The following FHOD3 variants were observed in gnomAD, a reference collection of about 807,000 sequenced individuals.
FHOD3 encodes formin homology 2 domain containing 3, also known as FH1/FH2 domain-containing protein 3.
Under a neutral mutation model 173.0 loss-of-function variants are expected in FHOD3, and 90 were observed. The ratio of observed to expected loss-of-function variants is 0.52; its 90% confidence interval spans 0.44 to 0.62. FHOD3 has a LOEUF of 0.62. Ranked by LOEUF, FHOD3 falls within the 20% of genes least tolerant of loss-of-function variation. The probability of loss-of-function intolerance (pLI) is 0.00; values close to 1 mark genes in which losing one functional copy is unlikely to be tolerated. For synonymous variants in FHOD3, 828 were observed against 823.0 expected (o/e 1.01, Z -0.10); for missense variants, 1,945 against 2,034.7 (o/e 0.96, Z 0.85).
At chr18:36,577,660 A>C (rs1474077007) in intron 6 of FHOD3, among the ~76,000 whole-genome samples, 1 of 152,208 alleles carries the variant, frequency 6.6e-6, no homozygotes, top group Non-Finnish European at 1.5e-5. Flanking sequence ...CTGTCAGGTA[A>C]GTAATATAAT....
intron 3 of FHOD3, among the ~76,000 whole-genome samples, chr18:36,388,275 G>A (rs1598929861): frequency 6.6e-6 from 1 of 152,136 alleles, no homozygotes; most frequent in African/African-American, 2.4e-5. Flanking sequence ...AACAGGAAAA[G>A]CGAAACACCG....
chr18:36,420,702 A>G (rs371404456), intron 3 of FHOD3, among the ~76,000 whole-genome samples: 23 of 152,208 alleles, frequency 1.5e-4, no homozygotes, highest in African/African-American at 5.3e-4. Context: ...CTTCTAGGAG[A>G]GGGGTCAGGT....
chr18:36,380,855 C>T (rs563660001), intron 3 of FHOD3, among the ~76,000 whole-genome samples: 6 of 152,172 alleles, frequency 3.9e-5, no homozygotes, highest in Middle Eastern at 3.4e-3. Flanking sequence ...GACACATTTG[C>T]AGCTTGGTTC....
chr18:36,512,647 G>C, intron 5 of FHOD3, 104 bp downstream of exon 5: 1 of 806,776 alleles, frequency 1.2e-6, no homozygotes, highest in East Asian at 2.7e-5. Context: ...ACTTCGATTT[G>C]AGAGTAAGGT....
intron 6 of FHOD3, among the ~76,000 whole-genome samples, chr18:36,590,674 A>G (rs2059185771): frequency 6.6e-6 from 1 of 152,210 alleles, no homozygotes. Context: ...TATGCATCAG[A>G]AGATGTTTGG....
chr18:36,699,644 C>T (rs147415876), intron 17 of FHOD3, among the ~76,000 whole-genome samples: 1 of 152,226 alleles, frequency 6.6e-6, no homozygotes, highest in Admixed American at 6.5e-5. Flanking sequence ...ACCACTCCCC[C>T]TTTCCCTTCA....
At chr18:36,571,134 C>T (rs1020348972) in intron 5 of FHOD3, among the ~76,000 whole-genome samples, 11 of 151,912 alleles carry the variant, frequency 7.2e-5, no homozygotes, top group African/African-American at 2.7e-4. Flanking sequence ...AAAAACAAAA[C>T]AAAAAATCAA....
At chr18:36,482,899 A>C (rs2054005833) in intron 3 of FHOD3, among the ~76,000 whole-genome samples, 1 of 150,644 alleles carries the variant, frequency 6.6e-6, no homozygotes, top group South Asian at 2.1e-4. Flanking sequence ...AGAGAGAACG[A>C]GAACATTGTA....
At chr18:36,577,050 G>T (rs917620741) in intron 6 of FHOD3, among the ~76,000 whole-genome samples, 1 of 151,352 alleles carries the variant, frequency 6.6e-6, no homozygotes, top group South Asian at 2.1e-4. Context: ...CTGAGATCAT[G>T]CCACTGCACT....
At chr18:36,627,944 C>T (rs11662615) in intron 10 of FHOD3, among the ~76,000 whole-genome samples, 22,552 of 152,126 alleles carry the variant, frequency 0.15, 1,851 homozygotes, top group African/African-American at 0.21. Flanking sequence ...GCTCTTCATC[C>T]CTGCAAACGC....
intron 3 of FHOD3, among the ~76,000 whole-genome samples, chr18:36,435,452 G>T (rs2050764355): frequency 6.6e-6 from 1 of 152,100 alleles, no homozygotes. Flanking sequence ...TCATATATCA[G>T]CATTAGTACT....
chr18:36,466,421 A>C (rs1790644), intron 3 of FHOD3, among the ~76,000 whole-genome samples: 121,650 of 152,130 alleles, frequency 0.8, 49,318 homozygotes, highest in East Asian at 0.95. Context: ...CCATGGCTTG[A>C]AGGTCAGGGC....
chr18:36,467,197 G>T (rs556836092), intron 3 of FHOD3, among the ~76,000 whole-genome samples: 1 of 152,124 alleles, frequency 6.6e-6, no homozygotes, highest in Non-Finnish European at 1.5e-5. Context: ...CTTCACCTTC[G>T]TCTTAGGAGC....
intron 2 of FHOD3, among the ~76,000 whole-genome samples, chr18:36,363,853 T>TG (rs1488843509): frequency 1.6e-5 from 2 of 128,816 alleles, no homozygotes; most frequent in Admixed American, 1.8e-4. Flanking sequence ...ATTAACATCT[T>TG]GCACACTAAT....
chr18:36,442,182 T>C (rs1043149757), intron 3 of FHOD3, among the ~76,000 whole-genome samples: 2 of 152,166 alleles, frequency 1.3e-5, no homozygotes, highest in East Asian at 3.9e-4. Context: ...TCCCCATTGC[T>C]CTGTTTCATG....
chr18:36,435,877 G>T (rs1469077529), intron 3 of FHOD3, among the ~76,000 whole-genome samples: 1 of 152,172 alleles, frequency 6.6e-6, no homozygotes, highest in East Asian at 1.9e-4. Context: ...GTGGTCTGCA[G>T]TTTAAGTTTT....
chr18:36,563,534 A>G (rs2058160717), intron 5 of FHOD3, among the ~76,000 whole-genome samples: 1 of 152,236 alleles, frequency 6.6e-6, no homozygotes, highest in Non-Finnish European at 1.5e-5. Flanking sequence ...CTGTGCTAAT[A>G]CATCAGCATA....
Position 36,527,712 on chromosome 18 carries a change from G to A in FHOD3, c.511+15169G>A, listed in dbSNP as rs77833967. Reference sequence around the variant, plus strand: ...GGGAGGTTCGTGAACCTGGCACATGGCAATGGAATTGACAAGATATACCAC... The same window carrying A: ...GGGAGGTTCGTGAACCTGGCACATGACAATGGAATTGACAAGATATACCAC... On this transcript the variant is annotated intron_variant, in intron 5 of 28. Coordinates refer to ENST00000590592, the MANE Select transcript of FHOD3 (RefSeq NM_001281740.3). 1.3e-3 allele frequency among the ~76,000 whole-genome samples: 205 copies of A among 152,290 alleles called. 1 individual carries two copies. The highest frequency in any genetic ancestry group is 4.8e-3 in the African/African-American group (198 of 41,562).
chr18:36,319,311 A>G (rs2044281350), intron 1 of FHOD3, among the ~76,000 whole-genome samples: 1 of 152,188 alleles, frequency 6.6e-6, no homozygotes, highest in African/African-American at 2.4e-5. Context: ...CAAAAAATAA[A>G]TAAATAAAGG....
Sources: gnomAD v4.1 joint callset for allele counts (sites outside exome capture counted in the v4.1 genomes callset) on GRCh38, gnomAD v4.1.1 for gene constraint, MANE v1.5 for transcripts, NCBI Gene and HGNC (gene_info 2026-07-23, HGNC 2026-07-21) for gene names.